The following ANTXR1 variants were observed in gnomAD, a reference collection of about 807,000 sequenced individuals.
ANTXR1 encodes ANTXR cell adhesion molecule 1.
ANTXR1 carries 19 observed loss-of-function variants against 78.1 expected under a neutral mutation model. The observed-to-expected ratio is 0.24, with a 90% CI of 0.17 to 0.36. The LOEUF is 0.36. Ranked by LOEUF, ANTXR1 falls within the 10% of genes least tolerant of loss-of-function variation. The probability of loss-of-function intolerance (pLI) is 1.00; values close to 1 mark genes in which losing one functional copy is unlikely to be tolerated. For synonymous variants in ANTXR1, 273 were observed against 260.5 expected, an observed-to-expected ratio of 1.05 and a Z score of -0.46; for missense variants, 518 against 718.6, an observed-to-expected ratio of 0.72 and a Z score of 3.19.
intron 3 of ANTXR1, among the ~76,000 whole-genome samples, chr2:69,067,175 C>A (rs1356367074): frequency 1.3e-5 from 2 of 151,900 alleles, no homozygotes; most frequent in Non-Finnish European, 2.9e-5. Flanking sequence ...GTTATTTGAT[C>A]TTTTGAGCAG....
At chr2:69,244,144 G>A (rs1675957880) in intron 17 of ANTXR1, among the ~76,000 whole-genome samples, 1 of 152,258 alleles carries the variant, frequency 6.6e-6, no homozygotes. Flanking sequence ...AAGCATGCCT[G>A]TGACTCTGGA....
chr2:69,209,790 G>T (rs13425674), intron 17 of ANTXR1, among the ~76,000 whole-genome samples: 144 of 152,378 alleles, frequency 9.5e-4, no homozygotes, highest in African/African-American at 3.3e-3. Context: ...GTCAGAGACA[G>T]CAGGGGAGAT....
chr2:69,181,953 C>A, intron 15 of ANTXR1, 72 bp downstream of exon 15: 2 of 1,441,300 alleles, frequency 1.4e-6, no homozygotes, highest in East Asian at 2.3e-5. Context: ...CGGGCCTGAC[C>A]CTGCTTAGCC....
chr2:69,183,005 G>A (rs895848048), intron 16 of ANTXR1: 8 of 289,400 alleles, frequency 2.8e-5, no homozygotes, highest in African/African-American at 9.5e-5. Flanking sequence ...AATCACCATG[G>A]CAAGGTACTG....
intron 17 of ANTXR1, among the ~76,000 whole-genome samples, chr2:69,196,030 C>A (rs1674660889): frequency 6.6e-6 from 1 of 152,118 alleles, no homozygotes; most frequent in Admixed American, 6.5e-5. Context: ...AGAATCAATG[C>A]TGTTTGGGAG....
chr2:69,221,364 G>C (rs1349997656), intron 17 of ANTXR1, among the ~76,000 whole-genome samples: 3 of 152,162 alleles, frequency 2.0e-5, no homozygotes, highest in African/African-American at 7.2e-5. Context: ...TGATACAAAA[G>C]TTTATTTCTT....
At chr2:69,182,825 T>C in intron 16 of ANTXR1, 165 bp downstream of exon 16, 1 of 889,172 alleles carries the variant, frequency 1.1e-6, no homozygotes, top group Non-Finnish European at 1.7e-6. Context: ...AATTACTTTG[T>C]CAATTTCCAC....
intron 3 of ANTXR1, among the ~76,000 whole-genome samples, chr2:69,059,705 A>T (rs1368130519): frequency 6.6e-6 from 1 of 152,188 alleles, no homozygotes; most frequent in Non-Finnish European, 1.5e-5. Flanking sequence ...ACTGCAATAT[A>T]GTATAGCATA....
At chr2:69,058,150 G>A (rs1039271402) in intron 3 of ANTXR1, among the ~76,000 whole-genome samples, 10 of 152,194 alleles carry the variant, frequency 6.6e-5, no homozygotes, top group Admixed American at 2.6e-4. Context: ...TGATTGAGAA[G>A]CTGCAGCAAG....
intron 13 of ANTXR1, among the ~76,000 whole-genome samples, chr2:69,155,385 C>T (rs1403233899): frequency 3.3e-5 from 5 of 152,010 alleles, no homozygotes; most frequent in Admixed American, 6.6e-5. Context: ...TGGGCTTATT[C>T]GCATTTTCAA....
At chr2:69,047,795 T>C (rs1455196534) in intron 3 of ANTXR1, among the ~76,000 whole-genome samples, 1 of 152,146 alleles carries the variant, frequency 6.6e-6, no homozygotes, top group African/African-American at 2.4e-5. Flanking sequence ...GCATACTCTA[T>C]CTTGGCTGCT....
chr2:69,029,045 C>G (rs564004573), intron 1 of ANTXR1, among the ~76,000 whole-genome samples: 8 of 148,448 alleles, frequency 5.4e-5, no homozygotes, highest in Admixed American at 1.4e-4. Flanking sequence ...GTTGAGACCC[C>G]CCCCCCTCCA....
intron 1 of ANTXR1, among the ~76,000 whole-genome samples, chr2:69,023,093 T>C (rs1323148804): frequency 6.6e-6 from 1 of 152,224 alleles, no homozygotes; most frequent in African/African-American, 2.4e-5. Context: ...GCTTTAAATA[T>C]CAGCTCAATG....
chr2:69,131,322 G>A (rs562580512), intron 12 of ANTXR1, among the ~76,000 whole-genome samples: 21 of 152,010 alleles, frequency 1.4e-4, no homozygotes, highest in Non-Finnish European at 2.2e-4. Context: ...ATTCCAAGTC[G>A]TGCCTTCACT....
At chr2:69,127,782 T>G (rs1672589635) in intron 12 of ANTXR1, among the ~76,000 whole-genome samples, 1 of 152,040 alleles carries the variant, frequency 6.6e-6, no homozygotes, top group Non-Finnish European at 1.5e-5. Flanking sequence ...ATCAAGAATG[T>G]CCCAAGGGTT....
chr2:69,080,146 C>T (rs543731291), intron 8 of ANTXR1, among the ~76,000 whole-genome samples: 1 of 152,282 alleles, frequency 6.6e-6, no homozygotes, highest in South Asian at 2.1e-4. Context: ...TTCCAGTACT[C>T]GAAACCCATG....
At position 69,249,159 on chromosome 2, in the gene ANTXR1, T is replaced by G. The variant is rs1291371885; in HGVS notation, c.*3674T>G. The G allele has an allele frequency of 6.6e-6, 1 of 152,102 alleles. No homozygotes were observed. Among genetic ancestry groups the G allele is most frequent in the East Asian group, 1.9e-4 (1 of 5,204 alleles). 9.4% of individuals were successfully genotyped at this position (152,102 alleles called of 1,614,324 possible). A position where few individuals can be genotyped will look rare whatever the true frequency, so the allele number is the denominator to read the frequency against. ...TGCTTTTTTTAAAAAAATAATAAAT[T>G]TCTTAAATCAACTCTTTTTTCTGGT... On this transcript the variant is annotated 3_prime_UTR_variant, in exon 18 of 18. Transcript: ENST00000303714.
intron 17 of ANTXR1, among the ~76,000 whole-genome samples, chr2:69,225,734 C>T (rs1251134713): frequency 6.6e-6 from 1 of 152,106 alleles, no homozygotes. Flanking sequence ...CCCCAAACTC[C>T]CTCTCCAGCT....
At chr2:69,170,797 G>A (rs1673962354) in intron 14 of ANTXR1, among the ~76,000 whole-genome samples, 2 of 152,298 alleles carry the variant, frequency 1.3e-5, no homozygotes, top group South Asian at 4.1e-4. Flanking sequence ...ATACGCTGGA[G>A]AGGGATATGT....
Sources: gnomAD v4.1 joint callset for allele counts (sites outside exome capture counted in the v4.1 genomes callset) on GRCh38, gnomAD v4.1.1 for gene constraint, MANE v1.5 for transcripts, NCBI Gene and HGNC (gene_info 2026-07-23, HGNC 2026-07-21) for gene names.